Variants in HERC1 observed in about 807,000 individuals in gnomAD.
HERC1 encodes the protein probable E3 ubiquitin-protein ligase HERC1.
HERC1 carries 160 observed loss-of-function variants against 554.3 expected under a neutral mutation model. That is an observed-to-expected ratio of 0.29 (90% CI 0.25 to 0.33). HERC1 has a LOEUF of 0.33. Ranked by LOEUF, HERC1 falls within the 10% of genes least tolerant of loss-of-function variation. HERC1 has a pLI of 1.00. For synonymous variants in HERC1, 2,175 were observed against 2,131.7 expected, an observed-to-expected ratio of 1.02 and a Z score of -0.56; for missense variants, 4,919 against 5,918.5, an observed-to-expected ratio of 0.83 and a Z score of 5.54.
chr15:63,813,506 C>A (rs2077398719), intron 1 of HERC1, among the ~76,000 whole-genome samples: 1 of 151,904 alleles, frequency 6.6e-6, no homozygotes, highest in Non-Finnish European at 1.5e-5. Context: ...AAAAAATAAT[C>A]AATAACCCCA....
chr15:63,728,184 C>T (rs1411010113), intron 16 of HERC1, among the ~76,000 whole-genome samples: 2 of 152,044 alleles, frequency 1.3e-5, no homozygotes, highest in African/African-American at 2.4e-5. Flanking sequence ...TATTGACATA[C>T]CAGGCACAGT....
chr15:63,770,209 C>T (rs555596140), intron 2 of HERC1, among the ~76,000 whole-genome samples: 23 of 152,238 alleles, frequency 1.5e-4, no homozygotes, highest in South Asian at 1.2e-3. Flanking sequence ...TTCTCCAGCT[C>T]CCCTGACACA....
intron 48 of HERC1, among the ~76,000 whole-genome samples, chr15:63,657,914 A>G (rs117254643): frequency 6.6e-6 from 1 of 152,286 alleles, no homozygotes; most frequent in East Asian, 1.9e-4. Context: ...TACAGTGTGA[A>G]CCACTGTCAT....
At chr15:63,751,041 T>C (rs1288503597) in intron 8 of HERC1, among the ~76,000 whole-genome samples, 1 of 152,192 alleles carries the variant, frequency 6.6e-6, no homozygotes, top group Non-Finnish European at 1.5e-5. Flanking sequence ...TTTTAGGAGA[T>C]GTTAGGAACT....
At chr15:63,828,628 C>T (rs865846538) in intron 1 of HERC1, among the ~76,000 whole-genome samples, 3 of 152,202 alleles carry the variant, frequency 2.0e-5, no homozygotes, top group Admixed American at 6.5e-5. Flanking sequence ...CATGAGCCAC[C>T]GCACCCAGCC....
chr15:63,753,062 T>C lies in HERC1; in HGVS notation c.1798A>G (p.Asn600Asp), dbSNP rs1162198056. The C allele has an allele frequency of 6.2e-7, 1 of 1,608,774 alleles. No homozygotes were observed. Among genetic ancestry groups the C allele is most frequent in the African/African-American group, 1.3e-5 (1 of 74,842 alleles). ...ATAACTTTAGGTTTATACACTCTGT[T>C]GGTATCACCATGACCAAGTTTACCT... ...DNGKLGHGDT[N>D]RVYKPKVIEA... Residue 600 changes from asparagine (N) to aspartate (D), a missense_variant, in exon 8 of 78, where the codon AAC (asparagine) becomes GAC (aspartate). Physicochemically the swap from Asn to Asp is conservative, Grantham distance 23. Transcript: ENST00000443617.
At chr15:63,781,044 T>A (rs2076273809) in intron 1 of HERC1, among the ~76,000 whole-genome samples, 1 of 151,960 alleles carries the variant, frequency 6.6e-6, no homozygotes, top group Admixed American at 6.6e-5. Context: ...AACAAACAAA[T>A]GCAAACAGAA....
At chr15:63,799,014 T>C (rs1204396003) in intron 1 of HERC1, among the ~76,000 whole-genome samples, 3 of 152,338 alleles carry the variant, frequency 2.0e-5, no homozygotes, top group Non-Finnish European at 4.4e-5. Flanking sequence ...AAGCGTCATC[T>C]CTGGGCTTAC....
At position 63,696,357 on chromosome 15, in the gene HERC1, AT is replaced by A; in HGVS notation, c.4906-19del. On this transcript the variant is annotated intron_variant, in intron 26 of 77. Transcript: ENST00000443617. ...AAACGAAGCTTGAGGAAAAAAACAT[AT>A]TTTAGAGTTCTTCACTTAACTCAGA... 6.4e-7 allele frequency: 1 copy of A among 1,564,610 alleles called. No individual in the cohort carries two copies. The highest frequency in any genetic ancestry group is 8.7e-7 in the Non-Finnish European group (1 of 1,145,142).
chr15:63,725,179 C>A, intron 18 of HERC1, 113 bp downstream of exon 18: 1 of 885,336 alleles, frequency 1.1e-6, no homozygotes, highest in Admixed American at 2.4e-5. Flanking sequence ...CCCTACACTG[C>A]TAATGTTGCA....
Position 63,656,370 on chromosome 15 carries a change from G to A in HERC1, c.9600-12C>T, listed in dbSNP as rs1265974960. The A allele has an allele frequency of 6.2e-7, 1 of 1,600,288 alleles. No homozygotes were observed. On this transcript the variant is annotated splice_polypyrimidine_tract_variant and intron_variant, in intron 48 of 77. Coordinates refer to ENST00000443617, the MANE Select transcript of HERC1 (RefSeq NM_003922.4). ...TACAACTGGAACCACTGCCAGTAAAGAAAAACATCTCAGATGGATAAAGAA... is the reference window on the plus strand; with the variant it reads ...TACAACTGGAACCACTGCCAGTAAAAAAAAACATCTCAGATGGATAAAGAA...
chr15:63,833,437 G>C (rs1169191837), intron 1 of HERC1, among the ~76,000 whole-genome samples: 1 of 152,192 alleles, frequency 6.6e-6, no homozygotes, highest in African/African-American at 2.4e-5. Context: ...AGCCGGGGCA[G>C]AGGAGCTGGT....
chr15:63,650,195 G>A (rs1037390303), intron 53 of HERC1, among the ~76,000 whole-genome samples: 2 of 151,948 alleles, frequency 1.3e-5, no homozygotes, highest in Non-Finnish European at 2.9e-5. Context: ...CTGAGGTCAG[G>A]AATTCGAGAC....
intron 8 of HERC1, 92 bp downstream of exon 8, chr15:63,752,866 T>C (rs1203379003): frequency 8.2e-7 from 1 of 1,213,560 alleles, no homozygotes; most frequent in African/African-American, 1.5e-5. Flanking sequence ...ATGTATTTAT[T>C]TGAACTTTAA....
Position 63,656,853 on chromosome 15 carries a change from G to T in HERC1, c.9600-495C>A, listed in dbSNP as rs932390486. On this transcript the variant is annotated intron_variant, in intron 48 of 77. Transcript: ENST00000443617. Reference sequence around the variant, plus strand: ...GTCTGGCTTCTTCAATATTATGTTTGTAAGATTCATCCAAATCTTGTAGCA... The same window carrying T: ...GTCTGGCTTCTTCAATATTATGTTTTTAAGATTCATCCAAATCTTGTAGCA... Among the ~76,000 whole-genome samples, 45 of 152,098 alleles carry T rather than the reference G, an allele frequency of 3.0e-4. 1 individual carries two copies. Among genetic ancestry groups the T allele is most frequent in the Non-Finnish European group, 2.9e-5 (2 of 68,014 alleles).
At chr15:63,757,470 T>C (rs1201272107) in intron 4 of HERC1, among the ~76,000 whole-genome samples, 3 of 152,024 alleles carry the variant, frequency 2.0e-5, no homozygotes, top group Admixed American at 6.6e-5. Context: ...TTTCACCATG[T>C]TGGTCAAGCT....
chr15:63,827,053 A>G (rs1173246480), intron 1 of HERC1, among the ~76,000 whole-genome samples: 1 of 151,974 alleles, frequency 6.6e-6, no homozygotes, highest in South Asian at 2.1e-4. Context: ...CTATTTACAT[A>G]AGAAACAACC....
intron 1 of HERC1, among the ~76,000 whole-genome samples, chr15:63,809,193 T>C (rs770723659): frequency 6.6e-5 from 10 of 152,208 alleles, no homozygotes; most frequent in Non-Finnish European, 1.2e-4. Context: ...AACCACTGAC[T>C]GGCTTCAAAG....
At chr15:63,709,163 A>AT (rs1464502189) in intron 24 of HERC1, among the ~76,000 whole-genome samples, 170 of 150,238 alleles carry the variant, frequency 1.1e-3, no homozygotes, top group African/African-American at 4.1e-3. Flanking sequence ...ATATATATAT[A>AT]TATTTTTTAT....
Sources: allele counts gnomAD v4.1 joint callset (sites outside exome capture counted in the v4.1 genomes callset), GRCh38; gene constraint gnomAD v4.1.1; transcripts MANE v1.5; gene names NCBI Gene and HGNC (gene_info 2026-07-23, HGNC 2026-07-21).